The following AASS variants were observed in gnomAD, a reference collection of about 807,000 sequenced individuals.
AASS encodes the protein aminoadipate-semialdehyde synthase.
In AASS, 86 loss-of-function variants were observed where a neutral mutation model predicts 105.4. The ratio of observed to expected loss-of-function variants is 0.82; its 90% CI spans 0.69 to 0.98. The LOEUF (loss-of-function observed/expected upper bound fraction) is 0.98. AASS is among the 50% of genes least tolerant of loss of function. AASS has a pLI of 0.00. For synonymous variants in AASS, 381 were observed against 394.8 expected, an observed-to-expected ratio of 0.96 and a Z score of 0.41; for missense variants, 1,048 against 1,143.2, an observed-to-expected ratio of 0.92 and a Z score of 1.20.
intron 20 of AASS, among the ~76,000 whole-genome samples, chr7:122,080,716 C>A (rs1793273304): frequency 6.6e-6 from 1 of 152,190 alleles, no homozygotes; most frequent in African/African-American, 2.4e-5. Flanking sequence ...CAAAATATAT[C>A]ATGTCCTCCA....
intron 4 of AASS, among the ~76,000 whole-genome samples, chr7:122,121,086 T>C (rs1365804029): frequency 1.3e-5 from 2 of 152,128 alleles, no homozygotes; most frequent in African/African-American, 4.8e-5. Context: ...ATGCCCTTTT[T>C]CTTGTATTTT....
intron 15 of AASS, among the ~76,000 whole-genome samples, chr7:122,095,841 C>T (rs1366621163): frequency 6.6e-6 from 1 of 152,080 alleles, no homozygotes; most frequent in African/African-American, 2.4e-5. Flanking sequence ...AGAAAATGTG[C>T]AATGTCATCA....
chr7:122,129,676 C>T lies in AASS; in HGVS notation c.211-139G>A, dbSNP rs1021825054. Reference sequence around the variant, plus strand: ...TGAATTAGAACAAATAATAGAACAACTACTTGTAATGTTTGTACTTGTTGG... The same window carrying T: ...TGAATTAGAACAAATAATAGAACAATTACTTGTAATGTTTGTACTTGTTGG... On this transcript the variant is annotated intron_variant, in intron 2 of 23. Coordinates refer to ENST00000417368, the MANE Select transcript of AASS (RefSeq NM_005763.4). 7.0e-4 allele frequency: 519 copies of T among 746,330 alleles called. 2 individuals carry two copies. Among genetic ancestry groups the T allele is most frequent in the Non-Finnish European group, 1.2e-4 (53 of 449,358 alleles). 46.2% of individuals were successfully genotyped at this position (746,330 alleles called of 1,614,324 possible). A position where few individuals can be genotyped will look rare whatever the true frequency, so the allele number is the denominator to read the frequency against.
At chr7:122,102,828 T>C (rs968425381) in intron 11 of AASS, among the ~76,000 whole-genome samples, 1 of 151,774 alleles carries the variant, frequency 6.6e-6, no homozygotes, top group Non-Finnish European at 1.5e-5. Flanking sequence ...AAATTTTGAA[T>C]ACGCAATGTC....
chr7:122,083,844 G>T (rs1383392493), intron 19 of AASS, among the ~76,000 whole-genome samples: 1 of 152,034 alleles, frequency 6.6e-6, no homozygotes, highest in African/African-American at 2.4e-5. Context: ...TTGAATGATG[G>T]TATCTCATCT....
intron 1 of AASS, among the ~76,000 whole-genome samples, chr7:122,136,419 G>A (rs935391423): frequency 2.0e-5 from 3 of 152,162 alleles, no homozygotes; most frequent in Admixed American, 1.3e-4. Context: ...AGGAGTTTAG[G>A]CTTTTATTCA....
chr7:122,133,685 G>C lies in AASS; in HGVS notation c.42C>G (p.Val14=). 5.0e-6 allele frequency: 8 copies of C among 1,614,142 alleles called. No homozygotes were observed. Among genetic ancestry groups the C allele is most frequent in the Non-Finnish European group, 5.9e-6 (7 of 1,180,036 alleles). ...VHRTGLGRLG[V]SLSKGLHHKA... ...TGTGGTGAAGACCCTTGGAGAGGCT[G>C]ACCCCCAGCCTGCCCAGTCCAGTCC... The change falls in exon 2 of 24, where the codon GTC becomes GTG. Residue 14 remains valine (V), a synonymous_variant. Transcript: ENST00000417368.
intron 11 of AASS, among the ~76,000 whole-genome samples, chr7:122,102,378 G>A (rs1420192744): frequency 1.3e-5 from 2 of 151,958 alleles, no homozygotes; most frequent in East Asian, 1.9e-4. Flanking sequence ...AAGAAGTAAT[G>A]GGCATGTAAG....
chr7:122,098,919 T>G (rs1794303406), intron 13 of AASS, 53 bp from the exon 14 acceptor site: 1 of 1,498,798 alleles, frequency 6.7e-7, no homozygotes, highest in Non-Finnish European at 8.9e-7. Flanking sequence ...ATTAAAAATT[T>G]TTTTTTAAAT....
chr7:122,120,994 T>G (rs2150542512), intron 4 of AASS, among the ~76,000 whole-genome samples: 1 of 152,304 alleles, frequency 6.6e-6, no homozygotes, highest in Non-Finnish European at 1.5e-5. Flanking sequence ...TTTAGGCCAT[T>G]AATGTAACTA....
At chr7:122,137,294 TTCC>T (rs1796189766) in intron 1 of AASS, among the ~76,000 whole-genome samples, 1 of 152,154 alleles carries the variant, frequency 6.6e-6, no homozygotes, top group Admixed American at 6.5e-5. Context: ...AGAAGCAGGA[TTCC>T]TAGTTTAATG....
intron 20 of AASS, 146 bp from the exon 21 acceptor site, chr7:122,079,858 CAT>C: frequency 1.5e-6 from 1 of 645,270 alleles, no homozygotes; most frequent in Non-Finnish European, 2.8e-6. Flanking sequence ...AATTGTAACA[CAT>C]ACACACACAT....
rs1258829883 is a variant in AASS at position 122,081,511 on chromosome 7, G to T, written c.2269C>A (p.Pro757Thr). 2.5e-6 allele frequency: 4 copies of T among 1,613,154 alleles called. No individual in the cohort carries two copies. Among genetic ancestry groups the T allele is most frequent in the Non-Finnish European group, 3.4e-6 (4 of 1,179,248 alleles). Residue 757 changes from proline to threonine, a missense_variant, in exon 20 of 24, where the codon CCT becomes ACT. Pro to Thr is a conservative substitution (Grantham distance 38). Transcript: ENST00000417368. The stretch of plus-strand genomic sequence containing the variant: ...TCGGAGTCACTCACCCAGGTGAGAG[G>T]GTTGGCCTCAGGTCTAAAGGCAGGA... ...ALPAFRPEAN[P>T]LTWKQLLCDL...
Position 122,098,559 on chromosome 7 carries a change from G to A in AASS, c.1546C>T (p.Gln516Ter). ...EITVGSDMKN[Q>*]IEQLGKKYNI... is the part of the protein sequence containing the mutation. ...TATTTCTTGCCTAACTGTTCAATTTGATTCTTCATGTCAGATCCTATTTCA... is the reference window on the plus strand; with the variant it reads ...TATTTCTTGCCTAACTGTTCAATTTAATTCTTCATGTCAGATCCTATTTCA... The change falls in exon 15 of 24, where the codon CAA becomes TAA. Residue 516 changes from glutamine (Q) to a stop codon, truncating the protein, a stop_gained. Transcript: ENST00000417368. LOFTEE classifies it high-confidence loss of function. 2 of 1,608,698 alleles carry A rather than the reference G, an allele frequency of 1.2e-6. No individual in the cohort carries two copies. The highest frequency in any genetic ancestry group is 1.7e-6 in the Non-Finnish European group (2 of 1,176,342).
chr7:122,143,720 C>T (rs1796506293), intron 1 of AASS, among the ~76,000 whole-genome samples: 1 of 152,028 alleles, frequency 6.6e-6, no homozygotes, highest in South Asian at 2.1e-4. Flanking sequence ...CCACCGCCCC[C>T]TCAGCCAGCC....
intron 13 of AASS, among the ~76,000 whole-genome samples, chr7:122,100,557 T>G (rs1794379578): frequency 6.6e-6 from 1 of 151,900 alleles, no homozygotes; most frequent in East Asian, 1.9e-4. Flanking sequence ...CTGCTTGTAG[T>G]AGAACCACTG....
rs768754202 is a variant in AASS at position 122,079,662 on chromosome 7, A to G, written c.2331T>C (p.Asp777=). The G allele has an allele frequency of 8.7e-6, 14 of 1,613,950 alleles. No homozygotes were observed. The South Asian group carries it at 1.5e-4, about 18-fold the overall frequency. The stretch of plus-strand genomic sequence containing the variant: ...TCTTAAGAACAGCTTCCTTCAACAC[A>G]TCATGCTCAGAGGAGGGTGAAATCC... ...LVGISPSSEH[D]VLKEAVLKKL... The change falls in exon 21 of 24, where the codon GAT becomes GAC. Residue 777 remains aspartate (D), a synonymous_variant. Transcript: ENST00000417368.
intron 15 of AASS, among the ~76,000 whole-genome samples, chr7:122,097,987 G>A (rs1183943640): frequency 1.3e-5 from 2 of 151,962 alleles, no homozygotes; most frequent in East Asian, 3.9e-4. Context: ...TTCACATAAT[G>A]AAATACTATA....
At chr7:122,081,475 T>A in intron 20 of AASS, 25 bp downstream of exon 20, 1 of 1,552,444 alleles carries the variant, frequency 6.4e-7, no homozygotes, top group Non-Finnish European at 8.9e-7. Flanking sequence ...AAGGAGCAGA[T>A]AGAACGTAAT....
Sources: gnomAD v4.1 joint callset for allele counts (sites outside exome capture counted in the v4.1 genomes callset) on GRCh38, gnomAD v4.1.1 for gene constraint, MANE v1.5 for transcripts, NCBI Gene and HGNC (gene_info 2026-07-23, HGNC 2026-07-21) for gene names.